Variants in REEP3 observed in about 807,000 individuals in gnomAD.
REEP3 encodes the protein receptor expression-enhancing protein 3.
A neutral mutation model predicts 41.3 loss-of-function variants in REEP3; 20 were observed. That is an observed-to-expected ratio of 0.48 (90% CI 0.34 to 0.70). The LOEUF is 0.70. REEP3 is among the 30% of genes least tolerant of loss of function. REEP3 has a pLI of 0.01. For synonymous variants in REEP3, 104 were observed against 101.8 expected (o/e 1.02, Z -0.13); for missense variants, 271 against 308.8 (o/e 0.88, Z 0.92).
chr10:63,614,806 G>C (rs762358200), intron 6 of REEP3, among the ~76,000 whole-genome samples: 1 of 152,152 alleles, frequency 6.6e-6, no homozygotes, highest in East Asian at 1.9e-4. Flanking sequence ...AGTTTAAAAT[G>C]GAATAATCCT....
At chr10:63,552,218 C>T (rs1159578702) in intron 1 of REEP3, among the ~76,000 whole-genome samples, 1 of 151,064 alleles carries the variant, frequency 6.6e-6, no homozygotes, top group African/African-American at 2.4e-5. Context: ...TCCTGGCTAA[C>T]ACGGTGAAAC....
intron 7 of REEP3, among the ~76,000 whole-genome samples, chr10:63,620,041 T>C (rs1956342014): frequency 1.3e-5 from 2 of 149,122 alleles, no homozygotes; most frequent in Non-Finnish European, 3.0e-5. Context: ...CAAGCAGTCC[T>C]CCCACCTCAA....
intron 1 of REEP3, among the ~76,000 whole-genome samples, chr10:63,538,921 C>G (rs1955500661): frequency 6.6e-6 from 1 of 152,122 alleles, no homozygotes; most frequent in Admixed American, 6.6e-5. Context: ...ATTCCATGTG[C>G]TGTGCTCACT....
chr10:63,588,458 A>G (rs188332154), intron 2 of REEP3, among the ~76,000 whole-genome samples: 1 of 152,024 alleles, frequency 6.6e-6, no homozygotes, highest in Non-Finnish European at 1.5e-5. Context: ...AAAAAAAGAT[A>G]TCTTAAAAGA....
At chr10:63,575,385 A>G (rs1194470543) in intron 2 of REEP3, among the ~76,000 whole-genome samples, 1 of 152,126 alleles carries the variant, frequency 6.6e-6, no homozygotes, top group Non-Finnish European at 1.5e-5. Context: ...GTTATAGTCA[A>G]TTTTGCTAAA....
chr10:63,603,283 A>C lies in REEP3; in HGVS notation c.417+4000A>C, dbSNP rs1266598769. Among the ~76,000 whole-genome samples the C allele has an allele frequency of 4.8e-5, 6 of 126,254 alleles. No individual in the cohort carries two copies. The Admixed American group carries it at 5.6e-4, about 12-fold the overall frequency. 82.8% of individuals were successfully genotyped at this position (126,254 alleles called of 152,430 possible). A position where few individuals can be genotyped will look rare whatever the true frequency, so the allele number is the denominator to read the frequency against. ...AGCCGAGATCGCGCCACTGCACTCC[A>C]GCCTGGGTGAGAGTGCAAGACTCTG... On this transcript the variant is annotated intron_variant, in intron 5 of 7. Transcript: ENST00000373758.
chr10:63,605,004 T>A lies in REEP3; in HGVS notation c.418-5183T>A, dbSNP rs550556988. 3.3e-5 allele frequency among the ~76,000 whole-genome samples: 5 copies of A among 152,278 alleles called. No homozygotes were observed. In the East Asian group the frequency reaches 9.6e-4, roughly 29 times the overall value. ...ACCACTGAGAGGGGGCTGCTACTGG[T>A]ATCTAGTCGGTAAAGAATGGTCAGG... On this transcript the variant is annotated intron_variant, in intron 5 of 7. Transcript: ENST00000373758.
intron 6 of REEP3, among the ~76,000 whole-genome samples, chr10:63,617,378 G>A (rs1019838048): frequency 7.2e-5 from 11 of 152,010 alleles, no homozygotes; most frequent in South Asian, 2.1e-4. Flanking sequence ...CAAATTATTC[G>A]TGTCTTAGAA....
At chr10:63,612,081 G>GA (rs1318876459) in intron 6 of REEP3, among the ~76,000 whole-genome samples, 2 of 152,120 alleles carry the variant, frequency 1.3e-5, no homozygotes, top group Non-Finnish European at 2.9e-5. Flanking sequence ...TTGAGAGAGA[G>GA]GAACCATCAG....
At chr10:63,606,060 C>T in intron 5 of REEP3, 4 of 827,328 alleles carry the variant, frequency 4.8e-6, no homozygotes, top group Non-Finnish European at 5.8e-6. Context: ...ACTTAATTAC[C>T]TGGACTTTTA....
In REEP3 at chr10:63,521,536, C is replaced by T; in HGVS notation, c.-10C>T. The T allele has an allele frequency of 7.0e-7, 1 of 1,431,282 alleles. No individual in the cohort carries two copies. The highest frequency in any genetic ancestry group is 9.2e-7 in the Non-Finnish European group (1 of 1,081,790). The allele number at this position is 1,431,282 out of a possible 1,614,324, so 88.7% of individuals were successfully genotyped here. On this transcript the variant is annotated 5_prime_UTR_variant, in exon 1 of 8. Transcript: ENST00000373758. ...CCCGCCCCGGACGTGGGGCCCAAGCCCCCGTGAAGATGGTGTCCTGGATGA... is the reference window on the plus strand; with the variant it reads ...CCCGCCCCGGACGTGGGGCCCAAGCTCCCGTGAAGATGGTGTCCTGGATGA...
intron 1 of REEP3, among the ~76,000 whole-genome samples, chr10:63,524,258 G>C (rs1319797448): frequency 6.6e-6 from 1 of 152,034 alleles, no homozygotes; most frequent in East Asian, 1.9e-4. Context: ...GAATTTACTT[G>C]ATTCTTTCTA....
At chr10:63,554,795 C>T (rs1051067941) in intron 1 of REEP3, among the ~76,000 whole-genome samples, 3 of 152,278 alleles carry the variant, frequency 2.0e-5, no homozygotes, top group South Asian at 4.1e-4. Context: ...TGGTACTCTA[C>T]CCACAGGATG....
rs1956379845 is a variant in REEP3, at chr10:63,624,343, A to G, written c.*3474A>G. The G allele has an allele frequency of 1.3e-5, 2 of 152,152 alleles. No individual in the cohort carries two copies. Among genetic ancestry groups the G allele is most frequent in the Non-Finnish European group, 2.9e-5 (2 of 67,972 alleles). 9.4% of individuals were successfully genotyped at this position (152,152 alleles called of 1,614,324 possible). A position where few individuals can be genotyped will look rare whatever the true frequency, so the allele number is the denominator to read the frequency against. On this transcript the variant is annotated 3_prime_UTR_variant, in exon 8 of 8. Coordinates refer to ENST00000373758, the MANE Select transcript of REEP3 (RefSeq NM_001001330.3). ...TATTTTTAAGATTTAATCTTTTTGT[A>G]GTATGCTACAGATTTAATTATATTA...
intron 1 of REEP3, among the ~76,000 whole-genome samples, chr10:63,539,930 A>G (rs929133319): frequency 6.6e-6 from 1 of 152,206 alleles, no homozygotes; most frequent in Non-Finnish European, 1.5e-5. Context: ...GAGAAATAGT[A>G]GTGTAGTGTC....
At chr10:63,617,243 T>C (rs945043027) in intron 6 of REEP3, among the ~76,000 whole-genome samples, 6 of 152,234 alleles carry the variant, frequency 3.9e-5, no homozygotes, top group African/African-American at 1.4e-4. Context: ...AAATCTCCTC[T>C]GACTTCTAGC....
chr10:63,582,831 C>G (rs891691202), intron 2 of REEP3, among the ~76,000 whole-genome samples: 15 of 152,166 alleles, frequency 9.9e-5, no homozygotes, highest in African/African-American at 3.6e-4. Flanking sequence ...ATCCTGTATT[C>G]TGTGCTCCGT....
In REEP3 at chr10:63,592,367, A is replaced by G. The variant is rs187509858; in HGVS notation, c.106-2411A>G. Among the ~76,000 whole-genome samples, 838 of 152,306 alleles carry G rather than the reference A, an allele frequency of 5.5e-3. 3 individuals are homozygous for G. The highest frequency in any genetic ancestry group is 0.01 in the Non-Finnish European group (696 of 68,020). ...ACAAGGGTTTCTTAGAGTCTCCCCA[A>G]GAGTCTAGGGCAGTATAAATGAGAG... On this transcript the variant is annotated intron_variant, in intron 2 of 7. Transcript: ENST00000373758.
chr10:63,549,955 CA>C (rs1347178154), intron 1 of REEP3, among the ~76,000 whole-genome samples: 6 of 152,180 alleles, frequency 3.9e-5, no homozygotes, highest in Non-Finnish European at 7.4e-5. Flanking sequence ...TGTTCTGATG[CA>C]CTCCCACAGA....
Sources: allele counts gnomAD v4.1 joint callset (sites outside exome capture counted in the v4.1 genomes callset), GRCh38; gene constraint gnomAD v4.1.1; transcripts MANE v1.5; gene names NCBI Gene and HGNC (gene_info 2026-07-23, HGNC 2026-07-21).